PTGDR: variants seen among roughly 807,000 people sequenced by gnomAD.
PTGDR encodes prostaglandin D2 receptor, also known as PGD2 receptor.
Under a neutral mutation model 17.4 loss-of-function variants are expected in PTGDR, and 19 were observed. The ratio of observed to expected loss-of-function variants is 1.09; its 90% CI spans 0.76 to 1.60. The LOEUF (loss-of-function observed/expected upper bound fraction) is 1.60. Ranked by LOEUF, PTGDR falls within the 40% of genes most tolerant of loss-of-function variation. The pLI is 0.00. For synonymous variants in PTGDR, 267 were observed against 224.2 expected (o/e 1.19, Z -1.71); for missense variants, 526 against 481.9 (o/e 1.09, Z -0.86).
chr14:52,268,111 A>C lies in PTGDR; in HGVS notation c.297A>C (p.Ala99=), dbSNP rs1022456047. The part of the protein sequence containing the change: ...QNRSLRVLAP[A]LDNSLCQAFA... ...GGAGTCTGCGGGTGCTTGCGCCCGC[A>C]TTGGACAACTCGTTGTGCCAAGCCT... Residue 99 remains alanine, a synonymous_variant, in exon 1 of 2, where the codon GCA becomes GCC. Transcript: ENST00000306051. 6.2e-7 allele frequency: 1 copy of C among 1,614,066 alleles called. No homozygotes were observed. The highest frequency in any genetic ancestry group is 8.5e-7 in the Non-Finnish European group (1 of 1,180,030).
chr14:52,278,332 C>T (rs1157433408), downstream of PTGDR, among the ~76,000 whole-genome samples: 9 of 152,068 alleles, frequency 5.9e-5, no homozygotes, highest in Admixed American at 1.3e-4. Context: ...ATGGATGAAA[C>T]TGGAAACCAT....
Position 52,268,679 on chromosome 14 carries a change from A to C in PTGDR, c.846+19A>C. ...CGTAATTGTGAGTCCCCGGGCCCCG[A>C]GGCAGCAGGGCACTGAGACTGTCCG... On this transcript the variant is annotated intron_variant, in intron 1 of 1. Coordinates refer to ENST00000306051, the MANE Select transcript of PTGDR (RefSeq NM_000953.3). The C allele has an allele frequency of 6.5e-7, 1 of 1,550,318 alleles. No homozygotes were observed. Among genetic ancestry groups the C allele is most frequent in the Non-Finnish European group, 8.7e-7 (1 of 1,146,062 alleles).
rs746464586 is a variant in PTGDR at position 52,268,351 on chromosome 14, C to T, written c.537C>T (p.Pro179=). ...TCGGGAAGTTCGTGCAGTACTGCCC[C>T]GGCACCTGGTGCTTTATCCAGATGG... The part of the protein sequence containing the change: ...MGFGKFVQYC[P]GTWCFIQMVH... Residue 179 remains proline, a synonymous_variant, in exon 1 of 2, where the codon CCC becomes CCT. Transcript: ENST00000306051. 6 of 1,613,258 alleles carry T rather than the reference C, an allele frequency of 3.7e-6. No individual in the cohort carries two copies. Among genetic ancestry groups the T allele is most frequent in the South Asian group, 2.2e-5 (2 of 91,092 alleles).
chr14:52,278,597 C>T (rs1011001192), downstream of PTGDR, among the ~76,000 whole-genome samples: 7 of 151,642 alleles, frequency 4.6e-5, no homozygotes, highest in Non-Finnish European at 1.0e-4. Context: ...GCACAGGTAC[C>T]CTAAAACTTA....
At position 52,268,089 on chromosome 14, in the gene PTGDR, G is replaced by A; in HGVS notation, c.275G>A (p.Ser92Asn). Reference protein sequence around the residue: ...VVLAAYAQNRSLRVLAPALDN... With the variant: ...VVLAAYAQNRNLRVLAPALDN... ...CTGGCTGCCTACGCTCAGAACCGGA[G>A]TCTGCGGGTGCTTGCGCCCGCATTG... Residue 92 changes from serine (S) to asparagine (N), a missense_variant, in exon 1 of 2, where the codon AGT (serine) becomes AAT (asparagine). Coordinates refer to ENST00000306051, the MANE Select transcript of PTGDR (RefSeq NM_000953.3). 4.3e-6 allele frequency: 7 copies of A among 1,613,812 alleles called. No individual in the cohort carries two copies. Among genetic ancestry groups the A allele is most frequent in the Non-Finnish European group, 5.9e-6 (7 of 1,180,046 alleles).
Position 52,267,829 on chromosome 14 carries a change from C to T in PTGDR, c.15C>T (p.Phe5=). The T allele has an allele frequency of 1.3e-6, 2 of 1,565,960 alleles. No individual in the cohort carries two copies. Among genetic ancestry groups the T allele is most frequent in the Non-Finnish European group, 1.7e-6 (2 of 1,155,056 alleles). Residue 5 remains phenylalanine, a synonymous_variant, in exon 1 of 2, where the codon TTC becomes TTT. Coordinates refer to ENST00000306051, the MANE Select transcript of PTGDR (RefSeq NM_000953.3). Reference sequence around the variant, plus strand: ...TCCCGCACGCCATGAAGTCGCCGTTCTACCGCTGCCAGAACACCACCTCTG... The same window carrying T: ...TCCCGCACGCCATGAAGTCGCCGTTTTACCGCTGCCAGAACACCACCTCTG... MKSP[F]YRCQNTTSVE...
chr14:52,274,706 A>C, intron 1 of PTGDR, 25 bp from the exon 2 acceptor site: 2 of 1,547,676 alleles, frequency 1.3e-6, no homozygotes, highest in Non-Finnish European at 1.8e-6. Flanking sequence ...TCCACATCAT[A>C]ATGGAATGTT....
downstream of PTGDR, among the ~76,000 whole-genome samples, chr14:52,279,200 G>C (rs1480620316): frequency 1.3e-5 from 2 of 152,084 alleles, no homozygotes; most frequent in Non-Finnish European, 2.9e-5. Context: ...TGTATGCTTG[G>C]TTAAAGATTC....
chr14:52,273,924 G>A (rs898572386), intron 1 of PTGDR, among the ~76,000 whole-genome samples: 3 of 152,166 alleles, frequency 2.0e-5, no homozygotes, highest in African/African-American at 7.2e-5. Context: ...AGTGTTGGCT[G>A]AATGGGAGGA....
In PTGDR at chr14:52,268,574, T is replaced by C; in HGVS notation, c.760T>C (p.Ser254Pro). 1 of 1,612,456 alleles carries C rather than the reference T, an allele frequency of 6.2e-7. No individual in the cohort carries two copies. The highest frequency in any genetic ancestry group is 2.2e-5 in the East Asian group (1 of 44,852). The change falls in exon 1 of 2, where the codon TCC (serine) becomes CCC (proline). Residue 254 changes from serine (S) to proline (P), a missense_variant. By Grantham distance (74) the Ser-to-Pro change is moderately conservative. Coordinates refer to ENST00000306051, the MANE Select transcript of PTGDR (RefSeq NM_000953.3). ...AEPRADGREA[S>P]PQPLEELDHL... ...GCCGCGCGCGGACGGGAGGGAAGCG[T>C]CCCCTCAGCCCCTGGAGGAGCTGGA...
At chr14:52,279,263 T>C (rs1412086582), downstream of PTGDR, among the ~76,000 whole-genome samples, 1 of 152,224 alleles carries the variant, frequency 6.6e-6, no homozygotes, top group East Asian at 1.9e-4. Flanking sequence ...ATTTTTCTCT[T>C]AGGCCAACCA....
downstream of PTGDR, among the ~76,000 whole-genome samples, chr14:52,278,899 A>G (rs2033460058): frequency 6.6e-6 from 1 of 150,716 alleles, no homozygotes; most frequent in Admixed American, 6.6e-5. Context: ...GGGATTGAAT[A>G]TTTTCTAACT....
intron 1 of PTGDR, among the ~76,000 whole-genome samples, chr14:52,272,677 C>T (rs2140006561): frequency 6.6e-6 from 1 of 152,296 alleles, no homozygotes; most frequent in South Asian, 2.1e-4. Context: ...TTGCCCTCTG[C>T]TCTATCCCTT....
intron 1 of PTGDR, among the ~76,000 whole-genome samples, chr14:52,274,335 G>A (rs922433576): frequency 5.3e-5 from 8 of 152,236 alleles, no homozygotes; most frequent in Admixed American, 1.3e-4. Context: ...AAGGAGAACT[G>A]AAGAAAGTAA....
rs41312444 is a variant in PTGDR at position 52,268,407 on chromosome 14, G to A, written c.593G>A (p.Gly198Glu). The A allele has an allele frequency of 1.7e-4, 268 of 1,611,224 alleles. No homozygotes were observed. The African/African-American group carries it at 3.3e-3, about 20-fold the overall frequency. The change falls in exon 1 of 2, where the codon GGG becomes GAG. Residue 198 changes from glycine (G) to glutamate (E), a missense_variant. Coordinates refer to ENST00000306051, the MANE Select transcript of PTGDR (RefSeq NM_000953.3). Reference sequence around the variant, plus strand: ...GAGGAGGGCTCGCTGTCGGTGCTGGGGTACTCTGTGCTCTACTCCAGCCTC... The same window carrying A: ...GAGGAGGGCTCGCTGTCGGTGCTGGAGTACTCTGTGCTCTACTCCAGCCTC... ...VHEEGSLSVL[G>E]YSVLYSSLMA...
chr14:52,278,432 A>G (rs2033454670), downstream of PTGDR, among the ~76,000 whole-genome samples: 1 of 152,140 alleles, frequency 6.6e-6, no homozygotes, highest in Non-Finnish European at 1.5e-5. Context: ...ACACATGGAC[A>G]CAGGAAGGGG....
chr14:52,279,737 C>A (rs2033467210), downstream of PTGDR, among the ~76,000 whole-genome samples: 1 of 151,862 alleles, frequency 6.6e-6, no homozygotes, highest in South Asian at 2.1e-4. Flanking sequence ...CCAATCATAA[C>A]AAACCTGCAT....
chr14:52,274,871 A>T lies in PTGDR; in HGVS notation c.987A>T (p.Pro329=). The change falls in exon 2 of 2, where the codon CCA becomes CCT. Residue 329 remains proline (P), a synonymous_variant. Coordinates refer to ENST00000306051, the MANE Select transcript of PTGDR (RefSeq NM_000953.3). The part of the protein sequence containing the change: ...DPWIFIIFRS[P]VFRIFFHKIF... ...GGATTTTTATCATTTTCAGATCTCC[A>T]GTATTTCGGATATTTTTTCACAAGA... 3 of 1,609,104 alleles carry T rather than the reference A, an allele frequency of 1.9e-6. No homozygotes were observed. Among genetic ancestry groups the T allele is most frequent in the Non-Finnish European group, 2.6e-6 (3 of 1,175,434 alleles).
chr14:52,272,262 G>A (rs539983886), intron 1 of PTGDR, among the ~76,000 whole-genome samples: 4 of 152,124 alleles, frequency 2.6e-5, no homozygotes, highest in African/African-American at 9.6e-5. Context: ...GAGCCCAGGT[G>A]TTTGAGACCA....
Sources: gnomAD v4.1 joint callset for allele counts (sites outside exome capture counted in the v4.1 genomes callset) on GRCh38, gnomAD v4.1.1 for gene constraint, MANE v1.5 for transcripts, NCBI Gene and HGNC (gene_info 2026-07-23, HGNC 2026-07-21) for gene names.